The following CDCA2 variants were observed in gnomAD, a reference collection of about 807,000 sequenced individuals.
CDCA2 encodes the protein cell division cycle associated 2.
Under a neutral mutation model 67.0 loss-of-function variants are expected in CDCA2, and 44 were observed. That is an observed-to-expected ratio of 0.66 (90% CI 0.52 to 0.84). The LOEUF (loss-of-function observed/expected upper bound fraction) is 0.84. CDCA2 is among the 40% of genes least tolerant of loss of function. CDCA2 has a pLI of 0.00. For synonymous variants in CDCA2, 447 were observed against 418.7 expected (o/e 1.07, Z -0.82); for missense variants, 1,253 against 1,203.2 (o/e 1.04, Z -0.61).
chr8:25,483,301 A>G lies in CDCA2; in HGVS notation c.1033-98A>G, dbSNP rs183851230. ...GGTAATCTTTAATACTGGAATATCT[A>G]TCTGCAGTTGACAGAGAATTTCAAA... On this transcript the variant is annotated intron_variant, in intron 8 of 14. Coordinates refer to ENST00000330560, the MANE Select transcript of CDCA2 (RefSeq NM_152562.4). 574 of 624,056 alleles carry G rather than the reference A, an allele frequency of 9.2e-4. 4 individuals carry two copies. Among genetic ancestry groups the G allele is most frequent in the Admixed American group, 2.6e-3 (87 of 33,148 alleles). The allele number at this position is 624,056 out of a possible 1,614,324, so 38.7% of individuals were successfully genotyped here. A position where few individuals can be genotyped will look rare whatever the true frequency, so the allele number is the denominator to read the frequency against.
intron 7 of CDCA2, among the ~76,000 whole-genome samples, chr8:25,477,929 CT>C (rs374545705): frequency 7.7e-4 from 110 of 143,652 alleles, no homozygotes; most frequent in African/African-American, 1.0e-3. Flanking sequence ...TTTTCTTTTC[CT>C]TTTTTTTTTT....
intron 6 of CDCA2, 131 bp downstream of exon 6, chr8:25,468,544 T>TGTGTGTGTGTGTGTGTGTGC: frequency 1.9e-6 from 1 of 515,650 alleles, no homozygotes; most frequent in Non-Finnish European, 3.4e-6. Context: ...TGTGTGTGTG[T>TGTGTGTGTGTGTGTGTGTGC]GTGTGTGTGT....
In CDCA2 at chr8:25,485,799, G is replaced by A. The variant is rs1803753642; in HGVS notation, c.1406G>A (p.Ser469Asn). 2 of 1,607,610 alleles carry A rather than the reference G, an allele frequency of 1.2e-6. No individual in the cohort carries two copies. The highest frequency in any genetic ancestry group is 1.7e-5 in the Admixed American group (1 of 59,028). ...CTTCAAGTATCATTTGCCGTTCTCA[G>A]TTCTCCTAATAAATCATCAATCTCT... ...EPLQVSFAVL[S>N]SPNKSSISET... The change falls in exon 11 of 15, where the codon AGT becomes AAT. Residue 469 changes from serine (S) to asparagine (N), a missense_variant. Coordinates refer to ENST00000330560, the MANE Select transcript of CDCA2 (RefSeq NM_152562.4).
chr8:25,474,655 C>G (rs1205324076), intron 7 of CDCA2, among the ~76,000 whole-genome samples: 1 of 152,232 alleles, frequency 6.6e-6, no homozygotes, highest in Non-Finnish European at 1.5e-5. Flanking sequence ...ACTGGCTGGA[C>G]TCTGCCTTCA....
chr8:25,507,796 A>T lies in CDCA2; in HGVS notation c.*58A>T. On this transcript the variant is annotated 3_prime_UTR_variant, in exon 15 of 15. Coordinates refer to ENST00000330560, the MANE Select transcript of CDCA2 (RefSeq NM_152562.4). ...GAAAGTAACCATCTATGCTGAAATG[A>T]TCTGTCTAGTTCCCATTCTCTGTTC... 6.5e-7 allele frequency: 1 copy of T among 1,535,884 alleles called. No individual in the cohort carries two copies. The highest frequency in any genetic ancestry group is 8.7e-7 in the Non-Finnish European group (1 of 1,147,324).
At chr8:25,499,492 C>T (rs1039700122) in intron 13 of CDCA2, among the ~76,000 whole-genome samples, 7 of 151,566 alleles carry the variant, frequency 4.6e-5, no homozygotes, top group African/African-American at 1.5e-4. Flanking sequence ...TTGGTAGAGA[C>T]GGGGTTTCGT....
rs1803087265 is a variant in CDCA2, at chr8:25,469,989, TC to T, written c.820+10del. The T allele has an allele frequency of 6.3e-7, 1 of 1,576,884 alleles. No homozygotes were observed. Among genetic ancestry groups the T allele is most frequent in the Non-Finnish European group, 8.7e-7 (1 of 1,147,880 alleles). ...CACAGAGACTTCAAATGGTAAGTAATCTTTTCTTAGTACATGGCCAGTTGCC... is the reference window on the plus strand; with the variant it reads ...CACAGAGACTTCAAATGGTAAGTAATTTTTCTTAGTACATGGCCAGTTGCC... On this transcript the variant is annotated intron_variant, in intron 7 of 14. Transcript: ENST00000330560.
At position 25,503,516 on chromosome 8, in the gene CDCA2, C is replaced by G. The variant is rs76687559; in HGVS notation, c.1815C>G (p.Ser605=). ...ELPEVPEMTP[S]IPSIRRLGSG... is the part of the protein sequence containing the mutation. Reference sequence around the variant, plus strand: ...CTGAAGTCCCTGAGATGACACCTTCCATTCCGAGCATCCGAAGACTGGGTT... The same window carrying G: ...CTGAAGTCCCTGAGATGACACCTTCGATTCCGAGCATCCGAAGACTGGGTT... The change falls in exon 14 of 15, where the codon TCC becomes TCG. Residue 605 remains serine (S), a synonymous_variant. Coordinates refer to ENST00000330560, the MANE Select transcript of CDCA2 (RefSeq NM_152562.4). The G allele has an allele frequency of 4.1e-3, 6,685 of 1,611,508 alleles. 12 individuals carry two copies. Among genetic ancestry groups the G allele is most frequent in the Non-Finnish European group, 4.7e-3 (5,569 of 1,179,420 alleles).
intron 4 of CDCA2, 25 bp from the exon 5 acceptor site, chr8:25,466,150 C>A (rs199623727): frequency 1.5e-5 from 24 of 1,580,424 alleles, no homozygotes; most frequent in African/African-American, 2.8e-5. Context: ...TTATAATACT[C>A]CTTGTATATT....
chr8:25,488,189 A>G (rs1206909901), intron 12 of CDCA2, among the ~76,000 whole-genome samples: 1 of 152,214 alleles, frequency 6.6e-6, no homozygotes, highest in African/African-American at 2.4e-5. Context: ...ATTCAAACCT[A>G]GATAATCTAA....
intron 5 of CDCA2, among the ~76,000 whole-genome samples, 180 bp downstream of exon 5, chr8:25,466,505 A>G (rs559891753): frequency 1.1e-4 from 16 of 151,488 alleles, no homozygotes; most frequent in South Asian, 8.4e-4. Context: ...TTTCTCTTAG[A>G]AAAAAAAACC....
chr8:25,507,044 TAGG>T lies in CDCA2; in HGVS notation c.2381_2383del (p.Gly794del). On this transcript the variant is annotated inframe_deletion, in exon 15 of 15. Transcript: ENST00000330560. ...AATTCACAAAAAGACTGTCATTGTT[TAGG>T]AGATGTCTTAATTGAAAATACGAAA... is the stretch of plus-strand genomic sequence containing the variant. 1.9e-6 allele frequency: 3 copies of T among 1,614,066 alleles called. No homozygotes were observed. Among genetic ancestry groups the T allele is most frequent in the African/African-American group, 1.3e-5 (1 of 75,040 alleles).
At chr8:25,478,912 ATT>A (rs1803460026) in intron 7 of CDCA2, among the ~76,000 whole-genome samples, 2 of 149,178 alleles carry the variant, frequency 1.3e-5, no homozygotes, top group African/African-American at 4.9e-5. Context: ...ATATATATAT[ATT>A]AACTTTTTAC....
In CDCA2 at chr8:25,493,426, G is replaced by A. The variant is rs184457349; in HGVS notation, c.1671+4737G>A. Among the ~76,000 whole-genome samples the A allele has an allele frequency of 7.9e-5, 12 of 152,230 alleles. No individual in the cohort carries two copies. The East Asian group carries it at 2.1e-3, about 27-fold the overall frequency. On this transcript the variant is annotated intron_variant, in intron 13 of 14. Transcript: ENST00000330560. ...GTGAGGGCAAAGGATTGGTGAATTTGATATCTTTTGAACCATACAGCATGG... is the reference window on the plus strand; with the variant it reads ...GTGAGGGCAAAGGATTGGTGAATTTAATATCTTTTGAACCATACAGCATGG...
intron 13 of CDCA2, among the ~76,000 whole-genome samples, chr8:25,497,512 A>C (rs7003328): frequency 6.9e-6 from 1 of 144,840 alleles, no homozygotes; most frequent in Non-Finnish European, 1.5e-5. Flanking sequence ...AAAATAAAAA[A>C]AAAAAAAACT....
intron 8 of CDCA2, among the ~76,000 whole-genome samples, chr8:25,481,474 A>G (rs747006047): frequency 2.9e-4 from 44 of 152,076 alleles, no homozygotes; most frequent in Non-Finnish European, 5.7e-4. Flanking sequence ...GTGGATCACA[A>G]GGTCAGGAGA....
At chr8:25,506,299 G>A (rs546372022) in intron 14 of CDCA2, among the ~76,000 whole-genome samples, 1 of 152,158 alleles carries the variant, frequency 6.6e-6, no homozygotes. Flanking sequence ...TAATTCATGC[G>A]TTGAATACCT....
intron 8 of CDCA2, among the ~76,000 whole-genome samples, chr8:25,481,448 T>C (rs1803567770): frequency 6.6e-6 from 1 of 152,068 alleles, no homozygotes; most frequent in Admixed American, 6.6e-5. Context: ...CCCAGCACTT[T>C]GGGAGGCCGA....
intron 13 of CDCA2, among the ~76,000 whole-genome samples, chr8:25,501,618 A>G (rs1238269041): frequency 6.6e-6 from 1 of 152,236 alleles, no homozygotes; most frequent in Admixed American, 6.5e-5. Context: ...ATAGTAGGCC[A>G]AAACAGCCCT....
Sources: allele counts gnomAD v4.1 joint callset (sites outside exome capture counted in the v4.1 genomes callset), GRCh38; gene constraint gnomAD v4.1.1; transcripts MANE v1.5; gene names NCBI Gene and HGNC (gene_info 2026-07-23, HGNC 2026-07-21).